HDAC4: variants seen among roughly 807,000 people sequenced by gnomAD.
HDAC4 encodes histone deacetylase 4, also known as histone deacetylase A.
Under a neutral mutation model 135.1 loss-of-function variants are expected in HDAC4, and 16 were observed. The observed-to-expected ratio is 0.12, with a 90% CI of 0.08 to 0.18. The LOEUF is 0.18. HDAC4 is among the 10% of genes least tolerant of loss of function. The pLI is 1.00. For synonymous variants in HDAC4, 685 were observed against 653.4 expected (o/e 1.05, Z -0.74); for missense variants, 1,143 against 1,511.8 (o/e 0.76, Z 4.05).
chr2:239,172,577 G>A (rs2043523586), intron 5 of HDAC4, among the ~76,000 whole-genome samples: 1 of 151,972 alleles, frequency 6.6e-6, no homozygotes, highest in African/African-American at 2.4e-5. Flanking sequence ...AATGCTCTAT[G>A]TATCTATATC....
intron 2 of HDAC4, among the ~76,000 whole-genome samples, chr2:239,261,734 G>A (rs189378187): frequency 8.9e-4 from 135 of 152,278 alleles, no homozygotes; most frequent in African/African-American, 2.6e-3. Flanking sequence ...CCAGGCCCAC[G>A]GGGAGGAAGG....
intron 2 of HDAC4, among the ~76,000 whole-genome samples, chr2:239,252,666 C>T (rs74000556): frequency 0.021 from 3,253 of 152,280 alleles, 116 homozygotes; most frequent in African/African-American, 0.075. Context: ...CTTGCTTCTC[C>T]GCCAAAGGAC....
intron 12 of HDAC4, among the ~76,000 whole-genome samples, chr2:239,121,000 CTTTTTT>C (rs34226161): frequency 6.9e-6 from 1 of 144,746 alleles, no homozygotes; most frequent in African/African-American, 2.6e-5. Context: ...CTTTAAATTT[CTTTTTT>C]TTTTTTTTTG....
At chr2:239,126,772 A>C in intron 11 of HDAC4, 78 bp from the exon 12 acceptor site, 1 of 1,479,424 alleles carries the variant, frequency 6.8e-7, no homozygotes, top group Non-Finnish European at 9.3e-7. Context: ...TGAGTAAGTG[A>C]TGGAGACAAC....
intron 17 of HDAC4, among the ~76,000 whole-genome samples, chr2:239,090,638 G>C (rs112723245): frequency 0.026 from 3,479 of 133,056 alleles, 155 homozygotes; most frequent in African/African-American, 0.088. Context: ...GTGAGGCTCT[G>C]TCTCCAAAAA....
In HDAC4 at chr2:239,115,435, A is replaced by C. The variant is rs994750222; in HGVS notation, c.1534-125T>G. ...AATCAGGGACTCAGGGCACCTTATC[A>C]CCCTGCCACAGGCCAGCAGGCACCT... is the stretch of plus-strand genomic sequence containing the variant. On this transcript the variant is annotated intron_variant, in intron 12 of 26. Coordinates refer to ENST00000543185, the MANE Select transcript of HDAC4 (RefSeq NM_001378414.1). The surrounding 1 kb of genome is among the most constrained non-coding windows in gnomAD (Gnocchi z 6.3). 2.2e-4 allele frequency: 257 copies of C among 1,184,504 alleles called. 1 individual carries two copies. Among genetic ancestry groups the C allele is most frequent in the Admixed American group, 6.4e-4 (30 of 46,784 alleles). The allele number at this position is 1,184,504 out of a possible 1,614,324, so 73.4% of individuals were successfully genotyped here. A position where few individuals can be genotyped will look rare whatever the true frequency, so the allele number is the denominator to read the frequency against.
intron 2 of HDAC4, among the ~76,000 whole-genome samples, chr2:239,318,121 G>A (rs927130725): frequency 6.6e-6 from 1 of 152,076 alleles, no homozygotes; most frequent in African/African-American, 2.4e-5. Flanking sequence ...GTCAGTGCTC[G>A]GGGAGTAGCA....
chr2:239,368,319 C>G (rs779682060), intron 1 of HDAC4, among the ~76,000 whole-genome samples: 5 of 152,148 alleles, frequency 3.3e-5, no homozygotes, highest in African/African-American at 4.8e-5. Context: ...AGGAACTTGG[C>G]TGTGAGGAAT....
chr2:239,376,551 C>T (rs1394882504), intron 1 of HDAC4, among the ~76,000 whole-genome samples: 5 of 152,272 alleles, frequency 3.3e-5, no homozygotes, highest in Non-Finnish European at 7.3e-5. Context: ...GTGTCTACTA[C>T]CATCAGTAAC....
chr2:239,212,628 C>T (rs912988214), intron 3 of HDAC4, among the ~76,000 whole-genome samples: 2 of 152,214 alleles, frequency 1.3e-5, no homozygotes, highest in African/African-American at 2.4e-5. Context: ...ATTCCCCAGG[C>T]TTGGTGCTAT....
At chr2:239,315,584 G>A (rs542309886) in intron 2 of HDAC4, among the ~76,000 whole-genome samples, 1 of 152,330 alleles carries the variant, frequency 6.6e-6, no homozygotes, top group East Asian at 1.9e-4. Flanking sequence ...GTGACAGTGA[G>A]AAAGTCCAGA....
intron 3 of HDAC4, among the ~76,000 whole-genome samples, chr2:239,228,900 G>A (rs949437888): frequency 1.3e-5 from 2 of 152,132 alleles, no homozygotes; most frequent in African/African-American, 4.8e-5. Flanking sequence ...CCAGCACTTT[G>A]GGAGGCTGAG....
chr2:239,331,307 G>T lies in HDAC4; in HGVS notation c.22+21371C>A, dbSNP rs1691556682. On this transcript the variant is annotated intron_variant, in intron 2 of 26. Coordinates refer to ENST00000543185, the MANE Select transcript of HDAC4 (RefSeq NM_001378414.1). This position sits in a 1 kb window ranked among gnomAD's most constrained non-coding sequence, Gnocchi z 4.5. ...ACGAGAAGGAGGCAGGATGGGGGAG[G>T]GAAGACAAGCAGGAAGGGGTGGGGT... 6.6e-6 allele frequency among the ~76,000 whole-genome samples: 1 copy of T among 152,102 alleles called. No homozygotes were observed. The highest frequency in any genetic ancestry group is 2.1e-4 in the South Asian group (1 of 4,826).
intron 24 of HDAC4, among the ~76,000 whole-genome samples, chr2:239,062,418 G>C (rs939069806): frequency 7.9e-5 from 12 of 152,250 alleles, no homozygotes; most frequent in African/African-American, 2.9e-4. Context: ...CCGGGCAGAG[G>C]GGCGGGGCCC....
At chr2:239,208,137 A>G (rs2153089117) in intron 3 of HDAC4, among the ~76,000 whole-genome samples, 1 of 151,444 alleles carries the variant, frequency 6.6e-6, no homozygotes, top group East Asian at 1.9e-4. Flanking sequence ...CCTGGCTAAC[A>G]CGGTGAAACC....
rs117965365 is a variant in HDAC4, at chr2:239,392,211, G to A, written c.-220+8767C>T. 5.9e-5 allele frequency among the ~76,000 whole-genome samples: 9 copies of A among 152,352 alleles called. No homozygotes were observed. In the East Asian group the frequency reaches 1.7e-3, roughly 29 times the overall value. On this transcript the variant is annotated intron_variant, in intron 1 of 26. Coordinates refer to ENST00000543185, the MANE Select transcript of HDAC4 (RefSeq NM_001378414.1). Reference sequence around the variant, plus strand: ...CAGCAACCGAGCTACGCTGGGCTGTGCTGCACACTCAGGGGCAAAGGAAAG... The same window carrying A: ...CAGCAACCGAGCTACGCTGGGCTGTACTGCACACTCAGGGGCAAAGGAAAG...
At chr2:239,102,410 C>T (rs1210257056) in intron 16 of HDAC4, among the ~76,000 whole-genome samples, 5 of 152,254 alleles carry the variant, frequency 3.3e-5, no homozygotes, top group African/African-American at 1.2e-4. Context: ...CCTAGGCCTC[C>T]TCCTGGTCTT....
intron 2 of HDAC4, among the ~76,000 whole-genome samples, chr2:239,322,720 C>T (rs553135329): frequency 6.6e-6 from 1 of 152,222 alleles, no homozygotes; most frequent in East Asian, 1.9e-4. Context: ...CGGGAACCAG[C>T]CTAAGGAAAG....
intron 1 of HDAC4, among the ~76,000 whole-genome samples, chr2:239,387,104 T>G (rs193011255): frequency 1.3e-5 from 2 of 152,370 alleles, no homozygotes; most frequent in African/African-American, 4.8e-5. Context: ...GAATGCTTGC[T>G]GTGTGTGGCA....
Sources: allele counts gnomAD v4.1 joint callset (sites outside exome capture counted in the v4.1 genomes callset), GRCh38; gene constraint gnomAD v4.1.1; non-coding constraint Gnocchi (gnomAD v3.1); transcripts MANE v1.5; gene names NCBI Gene and HGNC (gene_info 2026-07-23, HGNC 2026-07-21).